Variants in ADGRL2 observed in about 807,000 individuals in gnomAD.
The protein encoded by ADGRL2 is adhesion G protein-coupled receptor L2.
In ADGRL2, 44 loss-of-function variants were observed where a neutral mutation model predicts 157.4. The observed-to-expected ratio is 0.28, with a 90% CI of 0.22 to 0.36. The LOEUF (loss-of-function observed/expected upper bound fraction) is 0.36. ADGRL2 is among the 10% of genes least tolerant of loss of function. The probability of loss-of-function intolerance (pLI) is 1.00; values close to 1 mark genes in which losing one functional copy is unlikely to be tolerated. For synonymous variants in ADGRL2, 585 were observed against 624.7 expected (o/e 0.94, Z 0.95); for missense variants, 1,510 against 1,768.9 (o/e 0.85, Z 2.63).
Position 81,825,657 on chromosome 1 carries a change from CAAAA to C in ADGRL2, c.-100-11211_-100-11208del, listed in dbSNP as rs71085375. On this transcript the variant is annotated intron_variant, in intron 1 of 23. Coordinates refer to ENST00000686636, the MANE Select transcript of ADGRL2 (RefSeq NM_001366006.2). The stretch of plus-strand genomic sequence containing the variant: ...ACCGCACCTGGCCAGACCCTGTCTC[CAAAA>C]AAAAAAAAAAAAAAAAGACATACTA... Among the ~76,000 whole-genome samples, 583 of 86,752 alleles carry C rather than the reference CAAAA, an allele frequency of 6.7e-3. 3 individuals carry two copies. Among genetic ancestry groups the C allele is most frequent in the Non-Finnish European group, 0.01 (477 of 45,638 alleles). 56.9% of individuals were successfully genotyped at this position (86,752 alleles called of 152,430 possible). A position where few individuals can be genotyped will look rare whatever the true frequency, so the allele number is the denominator to read the frequency against.
At chr1:81,952,710 G>A (rs945491604) in intron 9 of ADGRL2, among the ~76,000 whole-genome samples, 3 of 150,662 alleles carry the variant, frequency 2.0e-5, no homozygotes, top group African/African-American at 7.3e-5. Flanking sequence ...TGTGCCTAAT[G>A]TGGTTCTACC....
chr1:81,446,027 A>G (rs2077591184), intron 2 of ADGRL2, among the ~76,000 whole-genome samples: 1 of 152,176 alleles, frequency 6.6e-6, no homozygotes, highest in African/African-American at 2.4e-5. Context: ...CAATTCTTCC[A>G]TAGTCCACAA....
In ADGRL2 at chr1:81,990,525, C is replaced by A. The variant is rs144340670; in HGVS notation, c.3790C>A (p.Leu1264Met). Reference protein sequence around the residue: ...SVQVVDCGLSLNDTAFEKMII... With the variant: ...SVQVVDCGLSMNDTAFEKMII... The stretch of plus-strand genomic sequence containing the variant: ...GCAAGTTGTGGACTGTGGACTAAGT[C>A]TGAATGATACTGCTTTTGAGAAAAT... The change falls in exon 24 of 24, where the codon CTG becomes ATG. Residue 1264 changes from leucine to methionine, a missense_variant. Leu to Met is a conservative substitution (Grantham distance 15, BLOSUM62 2). Around this residue, in one of 4 missense-constraint regions of ADGRL2, gnomAD observed 327 missense variants for 310.1 expected, o/e 1.05. Coordinates refer to ENST00000686636, the MANE Select transcript of ADGRL2 (RefSeq NM_001366006.2). The A allele has an allele frequency of 3.6e-5, 58 of 1,613,988 alleles. No homozygotes were observed. The African/African-American group carries it at 5.5e-4, about 15-fold the overall frequency.
chr1:81,761,492 T>C (rs1000185138), intron 1 of ADGRL2, among the ~76,000 whole-genome samples: 1 of 151,878 alleles, frequency 6.6e-6, no homozygotes, highest in Admixed American at 6.6e-5. Flanking sequence ...TCTCTCTCAA[T>C]AAAAACTTCA....
At chr1:81,836,074 A>C (rs700035) in intron 1 of ADGRL2, among the ~76,000 whole-genome samples, 19,267 of 151,982 alleles carry the variant, frequency 0.13, 1,302 homozygotes, top group Admixed American at 0.21. Context: ...TTTGTTTTCT[A>C]AATTTTCTTT....
At chr1:81,622,530 A>C (rs944122975) in intron 3 of ADGRL2, among the ~76,000 whole-genome samples, 10 of 152,146 alleles carry the variant, frequency 6.6e-5, no homozygotes, top group African/African-American at 2.2e-4. Flanking sequence ...TCAGTGAGCC[A>C]AGATCGTGCC....
At chr1:81,833,479 T>G (rs1434966307) in intron 1 of ADGRL2, among the ~76,000 whole-genome samples, 1 of 152,204 alleles carries the variant, frequency 6.6e-6, no homozygotes, top group Non-Finnish European at 1.5e-5. Context: ...TTTAGAAAAT[T>G]GTAGTTTAAT....
chr1:81,840,261 G>A (rs1221393709), intron 2 of ADGRL2, among the ~76,000 whole-genome samples: 3 of 151,990 alleles, frequency 2.0e-5, no homozygotes, highest in African/African-American at 7.2e-5. Context: ...GGATTTTTAA[G>A]TAATGGCAAC....
At chr1:81,826,448 A>G (rs148868386) in intron 1 of ADGRL2, among the ~76,000 whole-genome samples, 1 of 151,592 alleles carries the variant, frequency 6.6e-6, no homozygotes, top group African/African-American at 2.4e-5. Flanking sequence ...TGGTACCAGC[A>G]GGAGATTTAT....
chr1:81,744,616 C>G (rs1053032216), intron 1 of ADGRL2, among the ~76,000 whole-genome samples: 9 of 152,140 alleles, frequency 5.9e-5, no homozygotes, highest in African/African-American at 1.9e-4. Context: ...TGAGAAAGAT[C>G]TTAGTGTTCT....
chr1:81,950,110 G>T, intron 6 of ADGRL2, 79 bp from the exon 7 acceptor site: 1 of 1,180,206 alleles, frequency 8.5e-7, no homozygotes, highest in Non-Finnish European at 1.2e-6. Flanking sequence ...GTGTGTGCAT[G>T]CACACATTCC....
At chr1:81,640,361 G>A (rs979226234) in intron 3 of ADGRL2, among the ~76,000 whole-genome samples, 6 of 151,990 alleles carry the variant, frequency 3.9e-5, no homozygotes, top group South Asian at 2.1e-4. Flanking sequence ...AGGGCCGGGC[G>A]CGGTGGCTCA....
chr1:81,512,748 A>G lies in ADGRL2; in HGVS notation c.-248+67659A>G, dbSNP rs2079102449. On this transcript the variant is annotated intron_variant, in intron 2 of 24. Coordinates refer to the ADGRL2 transcript ENST00000370721. ...TCAAGGTTGTCTTCCTTTACAGTGT[A>G]CCATTCAGTAATACTGTTTTGTAGC... Among the ~76,000 whole-genome samples, 3 of 152,146 alleles carry G rather than the reference A, an allele frequency of 2.0e-5. No homozygotes were observed. In the South Asian group the frequency reaches 6.2e-4, roughly 31 times the overall value.
At chr1:81,962,527 T>C (rs1427472595) in intron 11 of ADGRL2, among the ~76,000 whole-genome samples, 1 of 152,196 alleles carries the variant, frequency 6.6e-6, no homozygotes, top group Non-Finnish European at 1.5e-5. Context: ...TTGGTACTCT[T>C]GGTATCTTGT....
chr1:81,373,524 A>G (rs2076195442), intron 1 of ADGRL2, among the ~76,000 whole-genome samples: 1 of 152,252 alleles, frequency 6.6e-6, no homozygotes, highest in Non-Finnish European at 1.5e-5. Flanking sequence ...CCTGACTGGC[A>G]GCAGTTTTCC....
chr1:81,774,119 C>T (rs2086482409), intron 2 of ADGRL2, among the ~76,000 whole-genome samples: 1 of 152,180 alleles, frequency 6.6e-6, no homozygotes, highest in African/African-American at 2.4e-5. Context: ...GTCGCCCTGT[C>T]TGTGGTATTT....
chr1:81,528,671 A>AAG (rs2079529219), intron 2 of ADGRL2, among the ~76,000 whole-genome samples: 1 of 132,776 alleles, frequency 7.5e-6, no homozygotes, highest in South Asian at 2.5e-4. Flanking sequence ...AAAAAAAAAA[A>AAG]AAAAGAAAAA....
At chr1:81,756,261 C>T (rs1316795147) in intron 1 of ADGRL2, among the ~76,000 whole-genome samples, 1 of 152,122 alleles carries the variant, frequency 6.6e-6, no homozygotes, top group Non-Finnish European at 1.5e-5. Context: ...TCAAAGTACA[C>T]TAACCTTCTT....
At chr1:81,826,103 T>G (rs2091459513) in intron 1 of ADGRL2, among the ~76,000 whole-genome samples, 1 of 152,212 alleles carries the variant, frequency 6.6e-6, no homozygotes, top group South Asian at 2.1e-4. Context: ...TCCAGAGGAT[T>G]TTTGGTTTCA....
Sources: allele counts gnomAD v4.1 joint callset (sites outside exome capture counted in the v4.1 genomes callset), GRCh38; gene constraint gnomAD v4.1.1; regional missense constraint gnomAD v4.1.1; transcripts MANE v1.5; gene names NCBI Gene and HGNC (gene_info 2026-07-23, HGNC 2026-07-21).